HTT: variants seen among roughly 807,000 people sequenced by gnomAD.
HTT encodes the protein huntingtin, also known as huntington disease protein.
A neutral mutation model predicts 362.3 loss-of-function variants in HTT; 104 were observed. That is an observed-to-expected ratio of 0.29 (90% CI 0.24 to 0.34). The LOEUF is 0.34. Among genes scored for constraint, HTT ranks in the 10% least tolerant of loss-of-function variants. The pLI, the probability that HTT is intolerant of heterozygous loss-of-function variation, is 1.00. For missense variants in HTT, 3,301 were observed against 3,928.6 expected, an observed-to-expected ratio of 0.84 and a Z score of 4.27; for synonymous variants, 1,577 against 1,548.7, an observed-to-expected ratio of 1.02 and a Z score of -0.43.
chr4:3,224,277 A>G (rs1720807680), intron 56 of HTT, 146 bp downstream of exon 56: 1 of 786,326 alleles, frequency 1.3e-6, no homozygotes, highest in East Asian at 2.4e-5. Flanking sequence ...CCCCTTTCAT[A>G]AGCAGGAGTC....
chr4:3,154,456 C>T (rs1300625735), intron 27 of HTT, 37 bp downstream of exon 27: 8 of 1,603,294 alleles, frequency 5.0e-6, no homozygotes, highest in African/African-American at 1.3e-5. Flanking sequence ...GACATGAGTG[C>T]AGCATCTGTC....
chr4:3,133,377 C>G (rs1715912336), intron 18 of HTT, among the ~76,000 whole-genome samples: 1 of 150,792 alleles, frequency 6.6e-6, no homozygotes, highest in Non-Finnish European at 1.5e-5. Context: ...CCTGTAGTCT[C>G]AGCTACTCGG....
At chr4:3,174,636 G>A (rs1269986310) in intron 31 of HTT, 85 bp from the exon 32 acceptor site, 2 of 1,074,150 alleles carry the variant, frequency 1.9e-6, no homozygotes, top group Middle Eastern at 4.0e-4. Flanking sequence ...TGTGAAATTG[G>A]TTTGAGCAGG....
chr4:3,160,223 TACATTATGAGATCGTG>T, intron 28 of HTT, 43 bp from the exon 29 acceptor site: 1 of 1,114,066 alleles, frequency 9.0e-7, no homozygotes, highest in Non-Finnish European at 1.3e-6. Context: ...TCTTTGGTTG[TACATTATGAGATCGTG>T]ACAGGGCCAG....
At position 3,212,090 on chromosome 4, in the gene HTT, C is replaced by T. The variant is rs777538746; in HGVS notation, c.6576C>T (p.Pro2192=). ...QLPAVHHVFQ[P]ELPAEPAAYW... ...CTGCTGTCCATCATGTCTTCCAGCC[C>T]GAGCTGCCTGCAGAGCCGGCGGCCT... The change falls in exon 48 of 67, where the codon CCC becomes CCT. Residue 2192 remains proline (P), a synonymous_variant. Coordinates refer to ENST00000355072, the MANE Select transcript of HTT (RefSeq NM_001388492.1). 1.1e-5 allele frequency: 18 copies of T among 1,613,934 alleles called. No homozygotes were observed. Among genetic ancestry groups the T allele is most frequent in the Admixed American group, 6.7e-5 (4 of 60,002 alleles).
intron 3 of HTT, among the ~76,000 whole-genome samples, chr4:3,103,092 G>A (rs935106523): frequency 2.0e-5 from 3 of 151,878 alleles, no homozygotes; most frequent in Non-Finnish European, 2.9e-5. Context: ...CACAGTGCTC[G>A]GGACCCTGCA....
rs772754195 is a variant in HTT, at chr4:3,235,390, A to G, written c.8563A>G (p.Ile2855Val). ...CGTAGGGCCGGAATTTTCAGCATCA[A>G]TAATACAGGTGAGTGGGCCCTGGCT... ...LDVGPEFSAS[I>V]IQMCGVMLSG... The change falls in exon 62 of 67, where the codon ATA (isoleucine) becomes GTA (valine). Residue 2855 changes from isoleucine (I) to valine (V), a missense_variant. Ile to Val is a conservative substitution (Grantham distance 29). Transcript: ENST00000355072. The G allele has an allele frequency of 1.1e-5, 17 of 1,604,918 alleles. No individual in the cohort carries two copies. The highest frequency in any genetic ancestry group is 4.5e-5 in the East Asian group (2 of 44,854).
chr4:3,140,794 T>G, intron 22 of HTT, 138 bp downstream of exon 22: 1 of 728,570 alleles, frequency 1.4e-6, no homozygotes, highest in East Asian at 2.7e-5. Flanking sequence ...GTCAGTCCTT[T>G]GATAGGATAT....
chr4:3,079,005 C>T (rs1712734839), intron 1 of HTT, among the ~76,000 whole-genome samples: 1 of 152,162 alleles, frequency 6.6e-6, no homozygotes, highest in South Asian at 2.1e-4. Flanking sequence ...CCCACCTCGG[C>T]CTCCCAAAGT....
chr4:3,238,564 C>T lies in HTT; in HGVS notation c.9009C>T (p.Ser3003=), dbSNP rs1721650138. The change falls in exon 65 of 67, where the codon TCC becomes TCT. Residue 3003 remains serine, a synonymous_variant. Coordinates refer to ENST00000355072, the MANE Select transcript of HTT (RefSeq NM_001388492.1). ...ACAAAGTCATCGGAGAGTTTCTGTC[C>T]AACCAGCAGCCATACCCCCAGTTCA... The part of the protein sequence containing the change: ...IMNKVIGEFL[S]NQQPYPQFMA... The T allele has an allele frequency of 6.2e-7, 1 of 1,612,746 alleles. No individual in the cohort carries two copies. The highest frequency in any genetic ancestry group is 1.1e-5 in the South Asian group (1 of 90,610).
At chr4:3,202,413 T>C (rs2110264970) in intron 41 of HTT, among the ~76,000 whole-genome samples, 1 of 152,330 alleles carries the variant, frequency 6.6e-6, no homozygotes, top group South Asian at 2.1e-4. Context: ...AGCTGTATTA[T>C]TGCAAAGTGC....
chr4:3,167,331 A>G (rs768775834), intron 29 of HTT, among the ~76,000 whole-genome samples: 19 of 152,268 alleles, frequency 1.2e-4, no homozygotes, highest in African/African-American at 1.7e-4. Flanking sequence ...TCAGCCTCCT[A>G]GAGTGCTGGG....
intron 2 of HTT, among the ~76,000 whole-genome samples, chr4:3,091,877 T>C (rs1713527144): frequency 6.6e-6 from 1 of 152,230 alleles, no homozygotes; most frequent in African/African-American, 2.4e-5. Flanking sequence ...GATTATTATA[T>C]GTCTGACCTA....
intron 6 of HTT, among the ~76,000 whole-genome samples, chr4:3,112,691 C>T (rs1223974281): frequency 2.6e-5 from 4 of 152,184 alleles, no homozygotes; most frequent in South Asian, 2.1e-4. Flanking sequence ...TTGGCTATTG[C>T]GAGCAGTGCT....
At chr4:3,097,150 A>G (rs1340543643) in intron 2 of HTT, among the ~76,000 whole-genome samples, 1 of 152,212 alleles carries the variant, frequency 6.6e-6, no homozygotes, top group African/African-American at 2.4e-5. Context: ...AAGAATGGAC[A>G]TCATAAAGAT....
chr4:3,193,473 C>G (rs183496879), intron 40 of HTT, among the ~76,000 whole-genome samples: 1 of 152,234 alleles, frequency 6.6e-6, no homozygotes. Flanking sequence ...AAGGACTAGT[C>G]TTGCCTTTGT....
At chr4:3,221,910 A>T (rs1313681263) in intron 53 of HTT, among the ~76,000 whole-genome samples, 1 of 152,376 alleles carries the variant, frequency 6.6e-6, no homozygotes, top group East Asian at 1.9e-4. Context: ...GAATTCACAT[A>T]CTACAGATTT....
At chr4:3,100,908 T>C (rs554164903) in intron 3 of HTT, among the ~76,000 whole-genome samples, 278 of 152,320 alleles carry the variant, frequency 1.8e-3, no homozygotes, top group Non-Finnish European at 3.4e-3. Flanking sequence ...TTAAAATTAT[T>C]TGTAGAGATG....
intron 23 of HTT, 37 bp downstream of exon 23, chr4:3,142,923 A>G (rs745756491): frequency 6.3e-7 from 1 of 1,594,176 alleles, no homozygotes; most frequent in Middle Eastern, 1.7e-4. Flanking sequence ...CTGACATTGT[A>G]ATAGTTTTTG....
Sources: allele counts gnomAD v4.1 joint callset (sites outside exome capture counted in the v4.1 genomes callset), GRCh38; gene constraint gnomAD v4.1.1; transcripts MANE v1.5; gene names NCBI Gene and HGNC (gene_info 2026-07-23, HGNC 2026-07-21).